PCDH7: variants seen among roughly 807,000 people sequenced by gnomAD.
PCDH7 encodes protocadherin 7.
In PCDH7, 17 loss-of-function variants were observed where a neutral mutation model predicts 58.9. The observed-to-expected ratio is 0.29, with a 90% confidence interval of 0.20 to 0.43. The LOEUF is 0.43. Among genes scored for constraint, PCDH7 ranks in the 20% least tolerant of loss-of-function variants. The probability of loss-of-function intolerance (pLI) is 1.00; values close to 1 mark genes in which losing one functional copy is unlikely to be tolerated. For synonymous variants in PCDH7, 664 were observed against 616.4 expected (o/e 1.08, Z -1.14); for missense variants, 1,274 against 1,441.0 (o/e 0.88, Z 1.88).
intron 1 of PCDH7, among the ~76,000 whole-genome samples, chr4:30,896,852 C>G (rs1033736200): frequency 6.9e-6 from 1 of 145,424 alleles, no homozygotes; most frequent in Non-Finnish European, 1.5e-5. Flanking sequence ...GGTAGCTAAA[C>G]CCTTTCCACT....
At chr4:30,754,079 C>T (rs775415937) in intron 1 of PCDH7, among the ~76,000 whole-genome samples, 12 of 151,780 alleles carry the variant, frequency 7.9e-5, no homozygotes, top group East Asian at 1.9e-4. Flanking sequence ...TCAGGTTGGG[C>T]GGTATGTGAT....
At chr4:30,779,471 G>A (rs1290044883) in intron 1 of PCDH7, among the ~76,000 whole-genome samples, 2 of 152,006 alleles carry the variant, frequency 1.3e-5, no homozygotes, top group African/African-American at 4.8e-5. Context: ...AACATTTCTA[G>A]AACTTTCTAA....
intron 2 of PCDH7, among the ~76,000 whole-genome samples, chr4:30,926,620 T>C (rs1225424505): frequency 6.6e-6 from 1 of 152,214 alleles, no homozygotes; most frequent in African/African-American, 2.4e-5. Context: ...GTTAGTTTTT[T>C]TTCTTTTGTT....
chr4:31,034,952 T>G (rs1295722275), intron 3 of PCDH7, among the ~76,000 whole-genome samples: 1 of 152,198 alleles, frequency 6.6e-6, no homozygotes, highest in Non-Finnish European at 1.5e-5. Flanking sequence ...ACACCTTAAT[T>G]AATTGCACCC....
intron 1 of PCDH7, among the ~76,000 whole-genome samples, chr4:30,860,313 CTGAT>C (rs1734031699): frequency 6.6e-6 from 1 of 152,106 alleles, no homozygotes. Flanking sequence ...AGTGAACTCT[CTGAT>C]TGTCAAAAAA....
intron 3 of PCDH7, 135 bp from the exon 3 acceptor site, chr4:31,142,338 T>G (rs2109349408): frequency 1.1e-3 from 866 of 791,570 alleles, no homozygotes; most frequent in Middle Eastern, 2.2e-3. Flanking sequence ...TATGGAATGA[T>G]GAGCTAGAGG....
chr4:30,778,871 A>T (rs1722418088), intron 1 of PCDH7, among the ~76,000 whole-genome samples: 1 of 152,108 alleles, frequency 6.6e-6, no homozygotes, highest in African/African-American at 2.4e-5. Flanking sequence ...ATTGAGAGTG[A>T]ATACATTTGC....
In PCDH7 at chr4:30,766,648, CATATAT is replaced by C. The variant is rs71963039; in HGVS notation, c.70+42065_70+42070del. The stretch of plus-strand genomic sequence containing the variant: ...GTACTGTATTATATCAAATCTCAAA[CATATAT>C]ATATATATATATGTTTATAGTGTGT... On this transcript the variant is annotated intron_variant, in intron 1 of 3. Transcript: ENST00000509759. Among the ~76,000 whole-genome samples the C allele has an allele frequency of 3.4e-5, 5 of 148,996 alleles. No individual in the cohort carries two copies. The East Asian group carries it at 5.9e-4, about 18-fold the overall frequency.
intron 3 of PCDH7, among the ~76,000 whole-genome samples, chr4:31,092,223 G>A (rs1329430114): frequency 3.3e-5 from 5 of 151,794 alleles, no homozygotes; most frequent in African/African-American, 7.3e-5. Flanking sequence ...ATTCTCTTCC[G>A]TATAAATATA....
intron 1 of PCDH7, among the ~76,000 whole-genome samples, chr4:30,788,050 G>T (rs1199053403): frequency 6.6e-6 from 1 of 152,022 alleles, no homozygotes; most frequent in African/African-American, 2.4e-5. Flanking sequence ...AAATTAGTCT[G>T]CAGACACTTG....
chr4:30,970,625 T>C (rs2109472470), intron 3 of PCDH7, among the ~76,000 whole-genome samples: 1 of 152,330 alleles, frequency 6.6e-6, no homozygotes, highest in South Asian at 2.1e-4. Flanking sequence ...GACACTTTTT[T>C]CTTTCCTCTT....
intron 3 of PCDH7, among the ~76,000 whole-genome samples, chr4:31,088,873 A>G (rs10019771): frequency 0.49 from 74,285 of 151,888 alleles, 21,816 homozygotes; most frequent in East Asian, 0.83. Flanking sequence ...AGAATCTTAA[A>G]TGTTTTCAAT....
chr4:30,722,130 C>G lies in PCDH7; in HGVS notation c.708C>G (p.Asn236Lys). Residue 236 changes from asparagine (N) to lysine (K), a missense_variant, in exon 1 of 2, where the codon AAC becomes AAG. This residue lies in a region of PCDH7 where 331 missense variants were observed against 303.2 expected (regional missense o/e 1.09). Coordinates refer to ENST00000361762, the Ensembl canonical transcript of PCDH7. This position sits in a 1 kb window ranked among gnomAD's most constrained non-coding sequence, Gnocchi z 7.6. Reference sequence around the variant, plus strand: ...CATCAGAGGGCGGCGGCGGCACCAACCCCGGCGGCCGCAGCAGCGTGTTCG... The same window carrying G: ...CATCAGAGGGCGGCGGCGGCACCAAGCCCGGCGGCCGCAGCAGCGTGTTCG... The G allele has an allele frequency of 6.9e-7, 1 of 1,442,618 alleles. No homozygotes were observed. The highest frequency in any genetic ancestry group is 2.8e-5 in the East Asian group (1 of 35,928). The allele number at this position is 1,442,618 out of a possible 1,614,324, so 89.4% of individuals were successfully genotyped here. A position where few individuals can be genotyped will look rare whatever the true frequency, so the allele number is the denominator to read the frequency against.
intron 1 of PCDH7, among the ~76,000 whole-genome samples, chr4:30,898,607 T>C (rs1028529200): frequency 6.7e-6 from 1 of 149,106 alleles, no homozygotes; most frequent in African/African-American, 2.5e-5. Context: ...CCCAATTTTT[T>C]TGAAAGGAAA....
chr4:30,814,287 CATTA>C (rs1458575458), intron 1 of PCDH7, among the ~76,000 whole-genome samples: 7 of 151,862 alleles, frequency 4.6e-5, no homozygotes, highest in African/African-American at 1.7e-4. Flanking sequence ...AAGCAAATAA[CATTA>C]ATCACATTTT....
chr4:30,988,348 TTAGA>T (rs1751168625), intron 3 of PCDH7, among the ~76,000 whole-genome samples: 1 of 152,188 alleles, frequency 6.6e-6, no homozygotes, highest in African/African-American at 2.4e-5. Context: ...AATATATTAG[TTAGA>T]TAGATGGGTA....
chr4:30,910,728 A>G (rs542029702), intron 1 of PCDH7, among the ~76,000 whole-genome samples: 1 of 152,184 alleles, frequency 6.6e-6, no homozygotes, highest in East Asian at 1.9e-4. Context: ...AATTAGTTCA[A>G]CCATTCTGGA....
chr4:30,897,269 T>A (rs748674007), intron 1 of PCDH7, among the ~76,000 whole-genome samples: 29 of 152,144 alleles, frequency 1.9e-4, no homozygotes, highest in Non-Finnish European at 5.9e-5. Context: ...TATACAAACA[T>A]TGAAAGTGCT....
chr4:30,959,047 A>G (rs1748134330), intron 3 of PCDH7, among the ~76,000 whole-genome samples: 1 of 152,144 alleles, frequency 6.6e-6, no homozygotes, highest in South Asian at 2.1e-4. Context: ...TTAAGAAAGT[A>G]TGGAATCATC....
Sources: gnomAD v4.1 joint callset for allele counts (sites outside exome capture counted in the v4.1 genomes callset) on GRCh38, gnomAD v4.1.1 for gene constraint, gnomAD v4.1.1 regional missense constraint, Gnocchi (gnomAD v3.1) non-coding constraint, MANE v1.5 for transcripts, NCBI Gene and HGNC (gene_info 2026-07-23, HGNC 2026-07-21) for gene names.